The following CRYBG1 variants were observed in gnomAD, a reference collection of about 807,000 sequenced individuals.
CRYBG1 encodes the protein beta/gamma crystallin domain-containing protein 1.
A neutral mutation model predicts 189.2 loss-of-function variants in CRYBG1; 139 were observed. The ratio of observed to expected loss-of-function variants is 0.73; its 90% confidence interval spans 0.64 to 0.85. The LOEUF is 0.85. Ranked by LOEUF, CRYBG1 falls within the 40% of genes least tolerant of loss-of-function variation. The probability of loss-of-function intolerance (pLI) is 0.00; values close to 1 mark genes in which losing one functional copy is unlikely to be tolerated. For missense variants in CRYBG1, 2,611 were observed against 2,675.8 expected (o/e 0.98, Z 0.53); for synonymous variants, 1,023 against 1,017.1 (o/e 1.01, Z -0.11).
intron 1 of CRYBG1, among the ~76,000 whole-genome samples, chr6:106,441,998 AG>A (rs1771575587): frequency 6.6e-6 from 1 of 152,206 alleles, no homozygotes. Flanking sequence ...AGGTCTTGCA[AG>A]TAACCTTTAA....
At position 106,517,401 on chromosome 6, in the gene CRYBG1, T is replaced by C. The variant is rs201198468; in HGVS notation, c.1923-1730T>C. On this transcript the variant is annotated intron_variant, in intron 3 of 21. Transcript: ENST00000633556. Reference sequence around the variant, plus strand: ...ACACATATACACACATATATATATATACACACACACATATATACACATATA... The same window carrying C: ...ACACATATACACACATATATATATACACACACACACATATATACACATATA... Among the ~76,000 whole-genome samples, 398 of 57,462 alleles carry C rather than the reference T, an allele frequency of 6.9e-3. 9 individuals are homozygous for C. The highest frequency in any genetic ancestry group is 0.011 in the East Asian group (34 of 3,070). 37.7% of individuals were successfully genotyped at this position (57,462 alleles called of 152,430 possible). A position where few individuals can be genotyped will look rare whatever the true frequency, so the allele number is the denominator to read the frequency against.
chr6:106,367,072 C>T (rs527509748), intron 1 of CRYBG1, among the ~76,000 whole-genome samples: 2 of 152,298 alleles, frequency 1.3e-5, no homozygotes, highest in South Asian at 4.1e-4. Context: ...CTTGACATTA[C>T]AGGAGTTTTT....
chr6:106,473,154 C>T (rs1020740849), intron 2 of CRYBG1, among the ~76,000 whole-genome samples: 6 of 152,140 alleles, frequency 3.9e-5, no homozygotes, highest in African/African-American at 1.4e-4. Flanking sequence ...AAGATGCCCT[C>T]TCCAATTTTA....
intron 1 of CRYBG1, among the ~76,000 whole-genome samples, chr6:106,448,672 T>C (rs1771718441): frequency 6.6e-6 from 1 of 152,194 alleles, no homozygotes; most frequent in Admixed American, 6.5e-5. Context: ...GTGGGGAACA[T>C]ATTTCAAGAC....
At position 106,477,061 on chromosome 6, in the gene CRYBG1, G is replaced by A. The variant is rs78005514; in HGVS notation, c.312+25229G>A. ...TTATTGGACCCCCAGAAAATATTTA[G>A]GAAGGCATCCTAGCATACAGAGCTG... On this transcript the variant is annotated intron_variant, in intron 2 of 21. Transcript: ENST00000633556. Among the ~76,000 whole-genome samples the A allele has an allele frequency of 9.9e-5, 15 of 152,154 alleles. No individual in the cohort carries two copies. In the East Asian group the frequency reaches 2.3e-3, roughly 24 times the overall value.
At chr6:106,405,511 C>T (rs1172681318) in intron 1 of CRYBG1, among the ~76,000 whole-genome samples, 34 of 152,234 alleles carry the variant, frequency 2.2e-4, no homozygotes, top group Admixed American at 3.9e-4. Context: ...CAGCAGATCT[C>T]CTATCACAGT....
intron 2 of CRYBG1, among the ~76,000 whole-genome samples, chr6:106,481,548 C>T (rs1281915423): frequency 1.3e-5 from 2 of 150,214 alleles, no homozygotes; most frequent in Non-Finnish European, 2.9e-5. Flanking sequence ...ACCTTCTCTC[C>T]TGGAGACCCT....
In CRYBG1 at chr6:106,539,511, C is replaced by T. The variant is rs1204185805; in HGVS notation, c.4827C>T (p.Ser1609=). The T allele has an allele frequency of 1.2e-6, 2 of 1,610,828 alleles. No individual in the cohort carries two copies. Among genetic ancestry groups the T allele is most frequent in the Non-Finnish European group, 1.7e-6 (2 of 1,178,804 alleles). Residue 1609 remains serine (S), a synonymous_variant, in exon 9 of 22, where the codon TCC becomes TCT. Transcript: ENST00000633556. ...ATACAGAAGAAGCGTACATTGGATC[C>T]ATGCGGCCTCTGAAAATGGTAAAAA... ...FWDTEEAYIG[S]MRPLKMGGRK... is the part of the protein sequence containing the mutation.
At chr6:106,450,144 G>A (rs918470717) in intron 1 of CRYBG1, among the ~76,000 whole-genome samples, 1 of 151,820 alleles carries the variant, frequency 6.6e-6, no homozygotes, top group Non-Finnish European at 1.5e-5. Flanking sequence ...CTTGAACCCG[G>A]GAGGTGGAGG....
intron 17 of CRYBG1, 24 bp from the exon 18 acceptor site, chr6:106,558,462 A>C (rs780893312): frequency 2.6e-6 from 4 of 1,543,388 alleles, no homozygotes; most frequent in Non-Finnish European, 3.5e-6. Flanking sequence ...TGAATAACAG[A>C]ACATTGTTTT....
chr6:106,515,551 G>A (rs1411380242), intron 3 of CRYBG1, among the ~76,000 whole-genome samples: 1 of 152,094 alleles, frequency 6.6e-6, no homozygotes, highest in East Asian at 1.9e-4. Flanking sequence ...TCTCTGGTAT[G>A]TGACCATCCC....
chr6:106,437,466 C>T (rs1582762386), intron 1 of CRYBG1, among the ~76,000 whole-genome samples: 1 of 152,014 alleles, frequency 6.6e-6, no homozygotes, highest in African/African-American at 2.4e-5. Flanking sequence ...TAGCATCTCA[C>T]TCTGTCACCC....
intron 3 of CRYBG1, 139 bp from the exon 4 acceptor site, chr6:106,518,990 CAT>C (rs1491050840): frequency 0.017 from 6,754 of 405,176 alleles, 157 homozygotes; most frequent in Admixed American, 0.16. Flanking sequence ...CACACACACA[CAT>C]ACACACACAC....
chr6:106,474,481 A>T (rs1305026993), intron 2 of CRYBG1, among the ~76,000 whole-genome samples: 1 of 152,200 alleles, frequency 6.6e-6, no homozygotes, highest in Non-Finnish European at 1.5e-5. Context: ...TGATTTTTTA[A>T]GTCATAAAGG....
intron 3 of CRYBG1, among the ~76,000 whole-genome samples, chr6:106,517,437 C>T (rs1231290314): frequency 1.5e-5 from 2 of 137,336 alleles, no homozygotes; most frequent in Non-Finnish European, 3.0e-5. Flanking sequence ...TATACACACA[C>T]ACATATATAT....
chr6:106,422,344 A>ATTTTTTTTTTTTTTTT (rs145135507), intron 1 of CRYBG1, among the ~76,000 whole-genome samples: 34 of 139,986 alleles, frequency 2.4e-4, no homozygotes, highest in South Asian at 2.0e-3. Flanking sequence ...TTATTTATTT[A>ATTTTTTTTTTTTTTTT]TTTTTGAGAC....
chr6:106,533,563 G>C (rs1378775187), intron 8 of CRYBG1, among the ~76,000 whole-genome samples: 1 of 152,204 alleles, frequency 6.6e-6, no homozygotes, highest in Non-Finnish European at 1.5e-5. Context: ...CAGCCAAGAA[G>C]AGATGGTGGC....
chr6:106,525,366 C>G lies in CRYBG1; in HGVS notation c.4392C>G (p.Leu1464=), dbSNP rs551389818. The G allele has an allele frequency of 1.5e-5, 24 of 1,613,912 alleles. No homozygotes were observed. In the South Asian group the frequency reaches 2.6e-4, roughly 18 times the overall value. Residue 1464 remains leucine, a synonymous_variant, in exon 6 of 22, where the codon CTC becomes CTG. Coordinates refer to ENST00000633556, the MANE Select transcript of CRYBG1 (RefSeq NM_001371242.2). ...CSSWSLSPVI[L]IKVVRGCWIL... The stretch of plus-strand genomic sequence containing the variant: ...CTTGGAGCCTCTCTCCAGTGATACT[C>G]ATAAAAGTTGTTAGAGGATGGTAAG...
At chr6:106,505,907 A>G (rs1380630225) in intron 2 of CRYBG1, among the ~76,000 whole-genome samples, 1 of 152,132 alleles carries the variant, frequency 6.6e-6, no homozygotes, top group African/African-American at 2.4e-5. Flanking sequence ...ACAAAGTGAG[A>G]GCTCTTAGGG....
Sources: allele counts gnomAD v4.1 joint callset (sites outside exome capture counted in the v4.1 genomes callset), GRCh38; gene constraint gnomAD v4.1.1; transcripts MANE v1.5; gene names NCBI Gene and HGNC (gene_info 2026-07-23, HGNC 2026-07-21).